LRRC4C: variants seen among roughly 807,000 people sequenced by gnomAD.
LRRC4C encodes leucine-rich repeat-containing protein 4C.
Under a neutral mutation model 33.6 loss-of-function variants are expected in LRRC4C, and 5 were observed. That is an observed-to-expected ratio of 0.15 (90% CI 0.08 to 0.31). The LOEUF (loss-of-function observed/expected upper bound fraction) is 0.31. Ranked by LOEUF, LRRC4C falls within the 10% of genes least tolerant of loss-of-function variation. The probability of loss-of-function intolerance (pLI) is 1.00; values close to 1 mark genes in which losing one functional copy is unlikely to be tolerated. For synonymous variants in LRRC4C, 329 were observed against 302.0 expected (o/e 1.09, Z -0.93); for missense variants, 560 against 796.7 (o/e 0.70, Z 3.58).
At chr11:41,330,849 T>C in intron 1 of LRRC4C, among the ~76,000 whole-genome samples, 1 of 152,136 alleles carries the variant, frequency 6.6e-6, no homozygotes, top group East Asian at 1.9e-4. Context: ...CTTACAAGTA[T>C]ATATATACAT....
chr11:40,368,666 C>T (rs569058067), intron 3 of LRRC4C, among the ~76,000 whole-genome samples: 55 of 152,158 alleles, frequency 3.6e-4, no homozygotes, highest in Non-Finnish European at 7.4e-4. Flanking sequence ...TTGGTGGTTT[C>T]TTCAATAAGC....
chr11:41,286,642 T>A (rs530857563), intron 1 of LRRC4C, among the ~76,000 whole-genome samples: 1 of 101,444 alleles, frequency 9.9e-6, no homozygotes, highest in African/African-American at 3.3e-5. Context: ...CTTTTAGAAT[T>A]GACATTTACT....
intron 3 of LRRC4C, among the ~76,000 whole-genome samples, chr11:40,528,647 CA>C (rs1565476635): frequency 6.6e-6 from 1 of 151,910 alleles, no homozygotes; most frequent in Non-Finnish European, 1.5e-5. Context: ...AGTATATACC[CA>C]AATGAACTGA....
chr11:40,387,318 T>A (rs913360965), intron 3 of LRRC4C, among the ~76,000 whole-genome samples: 1 of 152,138 alleles, frequency 6.6e-6, no homozygotes, highest in Non-Finnish European at 1.5e-5. Context: ...CTTGATAGGT[T>A]ACTCATTAAA....
chr11:41,347,003 T>G (rs1951824373), intron 1 of LRRC4C, among the ~76,000 whole-genome samples: 1 of 152,210 alleles, frequency 6.6e-6, no homozygotes, highest in Non-Finnish European at 1.5e-5. Context: ...GCCTTGAGGA[T>G]TATACAATTC....
chr11:40,290,932 T>C (rs776648195), intron 4 of LRRC4C, among the ~76,000 whole-genome samples: 35 of 151,892 alleles, frequency 2.3e-4, no homozygotes, highest in Non-Finnish European at 4.4e-4. Context: ...AATACAGGAG[T>C]AGCCAGGCTA....
At chr11:40,622,579 T>C (rs2135960154) in intron 3 of LRRC4C, among the ~76,000 whole-genome samples, 1 of 152,086 alleles carries the variant, frequency 6.6e-6, no homozygotes, top group East Asian at 1.9e-4. Flanking sequence ...GATGTTTTAT[T>C]CTGCTCATTG....
intron 1 of LRRC4C, among the ~76,000 whole-genome samples, chr11:41,056,288 C>T (rs1337691015): frequency 5.3e-5 from 8 of 152,164 alleles, no homozygotes; most frequent in Admixed American, 5.2e-4. Context: ...AAAAGTAAAA[C>T]CTAAAACTAT....
chr11:40,889,859 A>C (rs985346491), intron 2 of LRRC4C, among the ~76,000 whole-genome samples: 7 of 152,146 alleles, frequency 4.6e-5, no homozygotes, highest in Non-Finnish European at 8.8e-5. Flanking sequence ...TCATATATAT[A>C]TTATTTTATA....
At chr11:40,889,906 T>A (rs1955625826) in intron 2 of LRRC4C, among the ~76,000 whole-genome samples, 1 of 152,188 alleles carries the variant, frequency 6.6e-6, no homozygotes, top group South Asian at 2.1e-4. Flanking sequence ...TTTGCACATA[T>A]CCTGGCTTAT....
intron 3 of LRRC4C, among the ~76,000 whole-genome samples, chr11:40,521,385 A>G (rs772602872): frequency 6.6e-6 from 1 of 152,230 alleles, no homozygotes; most frequent in South Asian, 2.1e-4. Context: ...GATTTATAGC[A>G]ATCAGCTTTT....
chr11:40,528,201 G>T (rs978407390), intron 3 of LRRC4C, among the ~76,000 whole-genome samples: 1 of 151,978 alleles, frequency 6.6e-6, no homozygotes, highest in Middle Eastern at 3.2e-3. Flanking sequence ...AAACTAAAAA[G>T]CTCTGCACAG....
At position 41,383,667 on chromosome 11, in the gene LRRC4C, G is replaced by A. The variant is rs372373506; in HGVS notation, c.-496+75764C>T. Among the ~76,000 whole-genome samples the A allele has an allele frequency of 5.3e-5, 8 of 151,574 alleles. No homozygotes were observed. The East Asian group carries it at 9.7e-4, about 18-fold the overall frequency. On this transcript the variant is annotated intron_variant, in intron 1 of 6. Coordinates refer to ENST00000528697, the MANE Select transcript of LRRC4C (RefSeq NM_001258419.2). Reference sequence around the variant, plus strand: ...TTTGAAAGAAACAACAGAAAAAGAAGAAAAAGAAAAACATACATAAACATG... The same window carrying A: ...TTTGAAAGAAACAACAGAAAAAGAAAAAAAAGAAAAACATACATAAACATG...
At chr11:41,248,963 A>G (rs1237071826) in intron 1 of LRRC4C, among the ~76,000 whole-genome samples, 1 of 151,932 alleles carries the variant, frequency 6.6e-6, no homozygotes, top group Non-Finnish European at 1.5e-5. Context: ...TATTGGTTTT[A>G]GATTCAAAAT....
intron 1 of LRRC4C, among the ~76,000 whole-genome samples, chr11:41,119,469 T>C (rs1942313102): frequency 6.6e-6 from 1 of 152,188 alleles, no homozygotes; most frequent in South Asian, 2.1e-4. Flanking sequence ...GTAATCCCAT[T>C]AGGTAAGTCA....
At chr11:40,434,396 C>T (rs1321285627) in intron 3 of LRRC4C, among the ~76,000 whole-genome samples, 1 of 152,184 alleles carries the variant, frequency 6.6e-6, no homozygotes, top group Non-Finnish European at 1.5e-5. Flanking sequence ...GTGATAACTG[C>T]TAACCTTGCC....
intron 3 of LRRC4C, among the ~76,000 whole-genome samples, chr11:40,500,862 C>T (rs1408913069): frequency 6.6e-6 from 1 of 152,100 alleles, no homozygotes; most frequent in East Asian, 1.9e-4. Flanking sequence ...TTCACCTCAG[C>T]ATTAACTCAA....
chr11:41,389,006 A>C (rs934418141), intron 1 of LRRC4C, among the ~76,000 whole-genome samples: 1 of 151,888 alleles, frequency 6.6e-6, no homozygotes, highest in African/African-American at 2.4e-5. Flanking sequence ...CTACATAGCC[A>C]ATCTACAGTC....
At chr11:41,335,800 C>G (rs1389094676) in intron 1 of LRRC4C, among the ~76,000 whole-genome samples, 1 of 152,174 alleles carries the variant, frequency 6.6e-6, no homozygotes, top group African/African-American at 2.4e-5. Flanking sequence ...CTTTGTTTCT[C>G]TTCTCCAAGC....
Sources: gnomAD v4.1 joint callset for allele counts (sites outside exome capture counted in the v4.1 genomes callset) on GRCh38, gnomAD v4.1.1 for gene constraint, MANE v1.5 for transcripts, NCBI Gene and HGNC (gene_info 2026-07-23, HGNC 2026-07-21) for gene names.